RPS6KC1: variants seen among roughly 807,000 people sequenced by gnomAD.
The protein encoded by RPS6KC1 is ribosomal protein S6 kinase C1.
Under a neutral mutation model 103.8 loss-of-function variants are expected in RPS6KC1, and 54 were observed. The observed-to-expected ratio is 0.52, with a 90% CI of 0.42 to 0.65. The LOEUF is 0.65. Among genes scored for constraint, RPS6KC1 ranks in the 30% least tolerant of loss-of-function variants. RPS6KC1 has a pLI of 0.00. For synonymous variants in RPS6KC1, 439 were observed against 438.7 expected (o/e 1.00, Z -0.01); for missense variants, 1,151 against 1,253.8 (o/e 0.92, Z 1.24).
the RPS6KC1 span, among the ~76,000 whole-genome samples, chr1:213,721,920 G>T: frequency 4.6e-5 from 7 of 152,220 alleles, no homozygotes; most frequent in South Asian, 2.1e-4. Context: ...ACTGTACCCT[G>T]CCTAGAAACA....
the RPS6KC1 span, among the ~76,000 whole-genome samples, chr1:213,559,397 A>T: frequency 0.13 from 20,347 of 152,254 alleles, 1,557 homozygotes; most frequent in Non-Finnish European, 0.17. Flanking sequence ...TATGCCCAAA[A>T]AAAGTATAAG....
At chr1:213,506,267 G>T in the RPS6KC1 span, among the ~76,000 whole-genome samples, 1 of 152,162 alleles carries the variant, frequency 6.6e-6, no homozygotes, top group East Asian at 1.9e-4. Flanking sequence ...TGGATTTTGT[G>T]CATGGAAGAA....
chr1:213,736,902 A>G, the RPS6KC1 span, among the ~76,000 whole-genome samples: 1 of 152,206 alleles, frequency 6.6e-6, no homozygotes, highest in East Asian at 1.9e-4. Flanking sequence ...AGAGAAACCT[A>G]AAAGGTTTCA....
chr1:213,365,752 T>G, the RPS6KC1 span, among the ~76,000 whole-genome samples: 1 of 152,228 alleles, frequency 6.6e-6, no homozygotes, highest in Admixed American at 6.5e-5. Context: ...ACCGATGTTC[T>G]AGAGCAGGGG....
the RPS6KC1 span, among the ~76,000 whole-genome samples, chr1:213,752,010 T>C: frequency 6.6e-6 from 1 of 152,186 alleles, no homozygotes; most frequent in African/African-American, 2.4e-5. Context: ...TTATGATCTC[T>C]AAAATTAGGT....
the RPS6KC1 span, among the ~76,000 whole-genome samples, chr1:213,459,305 G>C: frequency 6.6e-6 from 1 of 152,146 alleles, no homozygotes. Flanking sequence ...GTCTATTCAG[G>C]GATTCGGCTT....
intron 6 of RPS6KC1, among the ~76,000 whole-genome samples, chr1:213,157,866 T>G (rs79407541): frequency 1.3e-5 from 2 of 152,216 alleles, no homozygotes; most frequent in Non-Finnish European, 2.9e-5. Context: ...GATGCAGGCA[T>G]GTTTATAGTT....
chr1:213,483,069 A>G, the RPS6KC1 span, among the ~76,000 whole-genome samples: 7,563 of 152,254 alleles, frequency 0.05, 607 homozygotes, highest in African/African-American at 0.17. Context: ...ATTTTAAGCA[A>G]AATTTTAAAA....
At chr1:213,463,914 A>G in the RPS6KC1 span, among the ~76,000 whole-genome samples, 1 of 152,208 alleles carries the variant, frequency 6.6e-6, no homozygotes, top group South Asian at 2.1e-4. Flanking sequence ...GTAGTCATTG[A>G]TATCAGAATA....
Position 213,240,942 on chromosome 1 carries a change from A to T in RPS6KC1, c.1466A>T (p.Asp489Val). 1 of 1,613,878 alleles carries T rather than the reference A, an allele frequency of 6.2e-7. No individual in the cohort carries two copies. The highest frequency in any genetic ancestry group is 8.5e-7 in the Non-Finnish European group (1 of 1,179,914). Residue 489 changes from aspartate (D) to valine (V), a missense_variant, in exon 11 of 15, where the codon GAT (aspartate) becomes GTT (valine). Physicochemically the swap from Asp to Val is radical, Grantham distance 152. Coordinates refer to ENST00000366960, the MANE Select transcript of RPS6KC1 (RefSeq NM_012424.6). ...SSQDDSNQEDDGQDSSPKWPD... is the reference protein window; with the variant it reads ...SSQDDSNQEDVGQDSSPKWPD... ...CAAGATGACAGCAACCAGGAAGATG[A>T]TGGCCAAGATAGCTCTCCAAAGTGG...
intron 6 of RPS6KC1, among the ~76,000 whole-genome samples, chr1:213,151,355 C>G (rs1308875423): frequency 7.5e-6 from 1 of 133,734 alleles, no homozygotes; most frequent in Non-Finnish European, 1.6e-5. Flanking sequence ...GCTAACCCCC[C>G]CACCTCCCTC....
chr1:213,329,384 G>T, the RPS6KC1 span, among the ~76,000 whole-genome samples: 1 of 152,034 alleles, frequency 6.6e-6, no homozygotes, highest in Non-Finnish European at 1.5e-5. Context: ...CAGGGAGAAG[G>T]CCAGAGCAGG....
At chr1:213,353,857 T>C in the RPS6KC1 span, among the ~76,000 whole-genome samples, 12 of 152,206 alleles carry the variant, frequency 7.9e-5, no homozygotes, top group African/African-American at 2.7e-4. Context: ...AGGAAGGTGC[T>C]ATTGCTTCCC....
At chr1:213,210,290 A>G (rs969546323) in intron 8 of RPS6KC1, among the ~76,000 whole-genome samples, 7 of 152,180 alleles carry the variant, frequency 4.6e-5, no homozygotes, top group African/African-American at 4.8e-5. Flanking sequence ...GCCTTTTCCA[A>G]TAAGCCTTCA....
Position 213,252,934 on chromosome 1 carries a change from C to T in RPS6KC1, c.2912-8624C>T, listed in dbSNP as rs145343987. Among the ~76,000 whole-genome samples the T allele has an allele frequency of 2.4e-3, 367 of 152,226 alleles. 1 individual carries two copies. Among genetic ancestry groups the T allele is most frequent in the African/African-American group, 8.4e-3 (349 of 41,532 alleles). ...GAGTATTACATAAACACTTTATTTA[C>T]AATGATGGCTGCTTTTTAATTAAAT... On this transcript the variant is annotated intron_variant, in intron 12 of 14. Transcript: ENST00000366960.
At chr1:213,801,480 GAAGA>G in the RPS6KC1 span, among the ~76,000 whole-genome samples, 15 of 151,980 alleles carry the variant, frequency 9.9e-5, no homozygotes, top group South Asian at 1.0e-3. Flanking sequence ...AAATACATAT[GAAGA>G]AAGAAAGAAG....
chr1:213,489,489 AT>A, the RPS6KC1 span, among the ~76,000 whole-genome samples: 1 of 152,212 alleles, frequency 6.6e-6, no homozygotes, highest in Non-Finnish European at 1.5e-5. Flanking sequence ...TTTTCATTCA[AT>A]AAGCATTTAT....
intron 8 of RPS6KC1, among the ~76,000 whole-genome samples, chr1:213,209,234 G>A (rs1482609607): frequency 6.6e-6 from 1 of 152,030 alleles, no homozygotes; most frequent in Non-Finnish European, 1.5e-5. Context: ...TTCATCTACT[G>A]TCTGATTTAA....
At chr1:213,140,309 T>G (rs2086861803) in intron 6 of RPS6KC1, among the ~76,000 whole-genome samples, 1 of 152,084 alleles carries the variant, frequency 6.6e-6, no homozygotes, top group Non-Finnish European at 1.5e-5. Flanking sequence ...TCCTCTCTTC[T>G]TATTTGGATG....
Sources: allele counts gnomAD v4.1 joint callset (sites outside exome capture counted in the v4.1 genomes callset), GRCh38; gene constraint gnomAD v4.1.1; transcripts MANE v1.5; gene names NCBI Gene and HGNC (gene_info 2026-07-23, HGNC 2026-07-21).